The following RPAP2 variants were observed in gnomAD, a reference collection of about 807,000 sequenced individuals.
The protein encoded by RPAP2 is RNA polymerase II associated protein 2.
RPAP2 carries 52 observed loss-of-function variants against 73.1 expected under a neutral mutation model. That is an observed-to-expected ratio of 0.71 (90% CI 0.57 to 0.90). The LOEUF (loss-of-function observed/expected upper bound fraction) is 0.90. Among genes scored for constraint, RPAP2 ranks in the 40% least tolerant of loss-of-function variants. The pLI is 0.00. For missense variants in RPAP2, 598 were observed against 701.8 expected (o/e 0.85, Z 1.67); for synonymous variants, 225 against 242.1 (o/e 0.93, Z 0.65).
Position 92,401,588 on chromosome 1 carries a change from TATC to T in RPAP2, c.*14578_*14580del, listed in dbSNP as rs1656318986. The stretch of plus-strand genomic sequence containing the variant: ...ACTGGATATAAGTGGTGAAAGCACA[TATC>T]CTCCCCTTGTTCCTAATTTTAGAGG... On this transcript the variant is annotated 3_prime_UTR_variant, in exon 13 of 13. Coordinates refer to ENST00000610020, the MANE Select transcript of RPAP2 (RefSeq NM_024813.3). 6.6e-6 allele frequency: 1 copy of T among 152,232 alleles called. No homozygotes were observed. The highest frequency in any genetic ancestry group is 2.4e-5 in the African/African-American group (1 of 41,466). 9.4% of individuals were successfully genotyped at this position (152,232 alleles called of 1,614,324 possible).
chr1:92,367,279 C>A (rs1477900269), intron 11 of RPAP2, among the ~76,000 whole-genome samples: 4 of 152,164 alleles, frequency 2.6e-5, no homozygotes, highest in African/African-American at 7.2e-5. Context: ...TGCTGTTAAA[C>A]CTCTTCTTTT....
intron 11 of RPAP2, among the ~76,000 whole-genome samples, chr1:92,350,114 C>A (rs181439679): frequency 6.6e-6 from 1 of 152,090 alleles, no homozygotes; most frequent in South Asian, 2.1e-4. Context: ...CTCACTGATT[C>A]CATGGGACTT....
chr1:92,376,813 G>A (rs1322064095), intron 11 of RPAP2, among the ~76,000 whole-genome samples: 1 of 152,172 alleles, frequency 6.6e-6, no homozygotes, highest in Admixed American at 6.5e-5. Flanking sequence ...TTAGCTAAGA[G>A]TTTGGGCTTT....
chr1:92,380,107 G>A lies in RPAP2; in HGVS notation c.1689-617G>A, dbSNP rs182286438. Among the ~76,000 whole-genome samples, 905 of 147,084 alleles carry A rather than the reference G, an allele frequency of 6.2e-3. 8 individuals are homozygous for A. The highest frequency in any genetic ancestry group is 0.02 in the African/African-American group (791 of 39,904). ...AGCCTGGCCAACATGGTGAAACCCC[G>A]TCTCTACCAAAAAAACGAAAATTAG... is the stretch of plus-strand genomic sequence containing the variant. On this transcript the variant is annotated intron_variant, in intron 11 of 12. Coordinates refer to ENST00000610020, the MANE Select transcript of RPAP2 (RefSeq NM_024813.3).
In RPAP2 at chr1:92,399,694, A is replaced by T. The variant is rs1455665961; in HGVS notation, c.*12683A>T. ...CTTCATTTTTTATATGAAAAAGCATAGCCTATGATCTGTCACCTTGCTCAC... is the reference window on the plus strand; with the variant it reads ...CTTCATTTTTTATATGAAAAAGCATTGCCTATGATCTGTCACCTTGCTCAC... On this transcript the variant is annotated 3_prime_UTR_variant, in exon 13 of 13. Coordinates refer to ENST00000610020, the MANE Select transcript of RPAP2 (RefSeq NM_024813.3). The T allele has an allele frequency of 6.6e-6, 1 of 152,204 alleles. No individual in the cohort carries two copies. The highest frequency in any genetic ancestry group is 1.9e-4 in the East Asian group (1 of 5,192). 9.4% of individuals were successfully genotyped at this position (152,204 alleles called of 1,614,324 possible).
chr1:92,375,161 T>C (rs1350896680), intron 11 of RPAP2, among the ~76,000 whole-genome samples: 1 of 152,086 alleles, frequency 6.6e-6, no homozygotes, highest in Non-Finnish European at 1.5e-5. Flanking sequence ...TAAAATTATA[T>C]TATACATCAG....
Position 92,380,855 on chromosome 1 carries a change from C to T in RPAP2, c.1820C>T (p.Thr607Ile), listed in dbSNP as rs2101447732. Reference sequence around the variant, plus strand: ...GAAAGTCTAACCATCATATTTAGAACCAGCTGTTTACCAGAGTGGTAAGTT... The same window carrying T: ...GAAAGTCTAACCATCATATTTAGAATCAGCTGTTTACCAGAGTGGTAAGTT... ...DLESLTIIFR[T>I]SCLPE The change falls in exon 12 of 13, where the codon ACC becomes ATC. Residue 607 changes from threonine to isoleucine, a missense_variant. Around this residue, in one of 3 missense-constraint regions of RPAP2, gnomAD observed 15 missense variants for 33.3 expected, o/e 0.45. Transcript: ENST00000610020. 1.9e-6 allele frequency: 3 copies of T among 1,584,052 alleles called. No homozygotes were observed. In the Middle Eastern group the frequency reaches 5.0e-4, roughly 266 times the overall value.
At position 92,306,995 on chromosome 1, in the gene RPAP2, C is replaced by T. The variant is rs904998472; in HGVS notation, c.400-193C>T. 2.6e-5 allele frequency among the ~76,000 whole-genome samples: 4 copies of T among 151,882 alleles called. No homozygotes were observed. The East Asian group carries it at 7.7e-4, about 29-fold the overall frequency. On this transcript the variant is annotated intron_variant, in intron 5 of 12. Transcript: ENST00000610020. ...TGGTAGTGGTTACTTCTGGGGAATG[C>T]GGAGGGTGATGCAGTTGGGAAGGGG...
intron 3 of RPAP2, 103 bp from the exon 4 acceptor site, chr1:92,303,874 T>C (rs1651028822): frequency 1.5e-6 from 1 of 685,880 alleles, no homozygotes; most frequent in Non-Finnish European, 2.4e-6. Context: ...GAAGGTACTA[T>C]TGCTATCCCT....
intron 12 of RPAP2, among the ~76,000 whole-genome samples, chr1:92,382,262 C>T (rs1452383127): frequency 6.6e-6 from 1 of 152,038 alleles, no homozygotes; most frequent in East Asian, 1.9e-4. Flanking sequence ...CAGCATGATT[C>T]ATAATCCTTT....
chr1:92,356,797 T>G (rs995317384), intron 11 of RPAP2, among the ~76,000 whole-genome samples: 5 of 151,426 alleles, frequency 3.3e-5, no homozygotes, highest in Non-Finnish European at 7.4e-5. Flanking sequence ...GCGCAGTGGC[T>G]CACACCTGTA....
chr1:92,387,323 T>A lies in RPAP2; in HGVS notation c.*312T>A. On this transcript the variant is annotated 3_prime_UTR_variant, in exon 13 of 13. Transcript: ENST00000610020. The stretch of plus-strand genomic sequence containing the variant: ...AAACTTGAATGAATATTCAAGAAAA[T>A]ATAATGATCTCTACTTTTTCTGGAT... The A allele has an allele frequency of 5.0e-6, 1 of 200,364 alleles. No individual in the cohort carries two copies. Among genetic ancestry groups the A allele is most frequent in the African/African-American group, 2.3e-5 (1 of 43,492 alleles). 12.4% of individuals were successfully genotyped at this position (200,364 alleles called of 1,614,324 possible). A position where few individuals can be genotyped will look rare whatever the true frequency, so the allele number is the denominator to read the frequency against.
chr1:92,349,091 T>TA (rs1654067811), intron 11 of RPAP2, among the ~76,000 whole-genome samples: 1 of 152,246 alleles, frequency 6.6e-6, no homozygotes, highest in Non-Finnish European at 1.5e-5. Context: ...ATGTCTTTTT[T>TA]AAAAATAATT....
At chr1:92,300,530 G>T (rs995415700) in intron 2 of RPAP2, among the ~76,000 whole-genome samples, 4 of 152,100 alleles carry the variant, frequency 2.6e-5, no homozygotes, top group Non-Finnish European at 5.9e-5. Context: ...TGCTTTATAT[G>T]CCAGAGACTC....
At chr1:92,332,693 G>A (rs1472181510) in intron 8 of RPAP2, among the ~76,000 whole-genome samples, 1 of 152,084 alleles carries the variant, frequency 6.6e-6, no homozygotes, top group Non-Finnish European at 1.5e-5. Context: ...GTTATTCCTA[G>A]AGTATGGTCT....
In RPAP2 at chr1:92,391,461, C is replaced by T. The variant is rs952184510; in HGVS notation, c.*4450C>T. 12 of 152,116 alleles carry T rather than the reference C, an allele frequency of 7.9e-5. No individual in the cohort carries two copies. The highest frequency in any genetic ancestry group is 2.9e-4 in the African/African-American group (12 of 41,404). The allele number at this position is 152,116 out of a possible 1,614,324, so 9.4% of individuals were successfully genotyped here. On this transcript the variant is annotated 3_prime_UTR_variant, in exon 13 of 13. Coordinates refer to ENST00000610020, the MANE Select transcript of RPAP2 (RefSeq NM_024813.3). ...ATCTAAAATCAACACCCTAACATCA[C>T]AATTAAAAGAACTAGAGAAGCAAGA...
chr1:92,337,858 A>C (rs1207182439), intron 10 of RPAP2, among the ~76,000 whole-genome samples: 1 of 152,124 alleles, frequency 6.6e-6, no homozygotes, highest in Non-Finnish European at 1.5e-5. Flanking sequence ...TAATGTTGTG[A>C]CTACTAGTAG....
At chr1:92,305,027 C>G (rs1651103663) in intron 5 of RPAP2, among the ~76,000 whole-genome samples, 1 of 151,928 alleles carries the variant, frequency 6.6e-6, no homozygotes, top group African/African-American at 2.4e-5. Flanking sequence ...CCCAGCTACT[C>G]AGAAAGCTGA....
Position 92,391,630 on chromosome 1 carries a change from C to T in RPAP2, c.*4619C>T, listed in dbSNP as rs572840372. 1 of 151,748 alleles carries T rather than the reference C, an allele frequency of 6.6e-6. No homozygotes were observed. Among genetic ancestry groups the T allele is most frequent in the African/African-American group, 2.4e-5 (1 of 41,182 alleles). The allele number at this position is 151,748 out of a possible 1,614,324, so 9.4% of individuals were successfully genotyped here. ...GAAAAGATCAACAAAATTGATAGAC[C>T]GTTAGCAAGGCTAAAAAAGAAGAAA... is the stretch of plus-strand genomic sequence containing the variant. On this transcript the variant is annotated 3_prime_UTR_variant, in exon 13 of 13. Coordinates refer to ENST00000610020, the MANE Select transcript of RPAP2 (RefSeq NM_024813.3).
Sources: allele counts gnomAD v4.1 joint callset (sites outside exome capture counted in the v4.1 genomes callset), GRCh38; gene constraint gnomAD v4.1.1; regional missense constraint gnomAD v4.1.1; transcripts MANE v1.5; gene names NCBI Gene and HGNC (gene_info 2026-07-23, HGNC 2026-07-21).